Variants in MGAT4D observed in about 807,000 individuals in gnomAD.
The protein encoded by MGAT4D is alpha-1,3-mannosyl-glycoprotein 4-beta-N-acetylglucosaminyltransferase-like protein MGAT4D.
Under a neutral mutation model 15.9 loss-of-function variants are expected in MGAT4D, and 34 were observed. That is an observed-to-expected ratio of 2.14 (90% confidence interval 1.62 to 2.84). The LOEUF is 2.84. Among genes scored for constraint, MGAT4D ranks in the 30% most tolerant of loss-of-function variants. The pLI, the probability that MGAT4D is intolerant of heterozygous loss-of-function variation, is 0.00. For synonymous variants in MGAT4D, 112 were observed against 48.2 expected (o/e 2.33, Z -5.49); for missense variants, 327 against 140.2 (o/e 2.33, Z -6.73).
intron 10 of MGAT4D, among the ~76,000 whole-genome samples, chr4:140,444,897 T>C (rs1353583731): frequency 6.6e-6 from 1 of 151,772 alleles, no homozygotes; most frequent in Admixed American, 6.6e-5. Context: ...CTTTTTTTTT[T>C]TGATATGGAG....
At chr4:140,443,664 A>G (rs930899212) in intron 10 of MGAT4D, among the ~76,000 whole-genome samples, 6 of 152,100 alleles carry the variant, frequency 3.9e-5, no homozygotes, top group African/African-American at 1.4e-4. Flanking sequence ...ACGTTGTTAA[A>G]ATGATTGAAA....
chr4:140,477,149 T>C (rs1219700245), intron 3 of MGAT4D, among the ~76,000 whole-genome samples: 1 of 152,170 alleles, frequency 6.6e-6, no homozygotes, highest in Non-Finnish European at 1.5e-5. Flanking sequence ...TTTTCCTCTA[T>C]CTGGATGACC....
chr4:140,479,506 G>A lies in MGAT4D; in HGVS notation c.375C>T (p.Gly125=). 2.0e-6 allele frequency: 1 copy of A among 502,164 alleles called. No homozygotes were observed. The highest frequency in any genetic ancestry group is 3.1e-5 in the South Asian group (1 of 31,852). 31.1% of individuals were successfully genotyped at this position (502,164 alleles called of 1,614,324 possible). Residue 125 remains glycine, a synonymous_variant, in exon 3 of 11, where the codon GGC becomes GGT. Transcript: ENST00000511113. ...TTTTCTTACCACCAGTTTTCCCTTTGCCAATGATTACATCAGGATAAATTC... is the reference window on the plus strand; with the variant it reads ...TTTTCTTACCACCAGTTTTCCCTTTACCAATGATTACATCAGGATAAATTC... The part of the protein sequence containing the change: ...EGRIYPDVII[G]KGKTGVSFAL...
At chr4:140,498,024 C>T (rs1029882831) in intron 1 of MGAT4D, 105 bp downstream of exon 1, 3 of 557,354 alleles carry the variant, frequency 5.4e-6, no homozygotes, top group Non-Finnish European at 9.5e-6. Context: ...CCGCCGCCAG[C>T]TTCCCGCATC....
chr4:140,463,503 C>A lies in MGAT4D; in HGVS notation c.686+1393G>T, dbSNP rs890300625. Among the ~76,000 whole-genome samples, 3 of 151,916 alleles carry A rather than the reference C, an allele frequency of 2.0e-5. No homozygotes were observed. In the East Asian group the frequency reaches 5.8e-4, roughly 29 times the overall value. On this transcript the variant is annotated intron_variant, in intron 6 of 10. Coordinates refer to ENST00000511113, the MANE Select transcript of MGAT4D (RefSeq NM_001277353.2). ...TCTGGGGCAAGAGCTCATCCCTGCT[C>A]GTAGGGTTGCCTGGATATAAACTCA...
intron 1 of MGAT4D, among the ~76,000 whole-genome samples, chr4:140,497,922 G>C (rs1010040782): frequency 2.0e-5 from 3 of 152,174 alleles, no homozygotes; most frequent in Admixed American, 1.3e-4. Flanking sequence ...GGAGGAGGTC[G>C]GGGCGCGGGT....
At chr4:140,449,056 C>T (rs904653508) in intron 10 of MGAT4D, among the ~76,000 whole-genome samples, 1 of 152,156 alleles carries the variant, frequency 6.6e-6, no homozygotes, top group South Asian at 2.1e-4. Context: ...TGGCCCTATG[C>T]CCAGTGCACT....
chr4:140,477,058 C>T (rs73856645), intron 3 of MGAT4D, among the ~76,000 whole-genome samples: 185 of 152,266 alleles, frequency 1.2e-3, no homozygotes, highest in African/African-American at 4.2e-3. Flanking sequence ...GGTCTTGCTA[C>T]TAATACCCTC....
intron 2 of MGAT4D, among the ~76,000 whole-genome samples, chr4:140,480,268 C>CACTT (rs1396855259): frequency 1.3e-5 from 2 of 152,062 alleles, no homozygotes; most frequent in Non-Finnish European, 2.9e-5. Context: ...GGTGTTTGAA[C>CACTT]ACTTGGACAT....
chr4:140,462,210 T>A (rs1731233816), intron 6 of MGAT4D, among the ~76,000 whole-genome samples: 1 of 152,222 alleles, frequency 6.6e-6, no homozygotes, highest in Admixed American at 6.5e-5. Context: ...GAACAGTGTC[T>A]ACCATTGCTA....
chr4:140,463,031 G>A (rs1036236537), intron 6 of MGAT4D, among the ~76,000 whole-genome samples: 1 of 152,164 alleles, frequency 6.6e-6, no homozygotes, highest in Non-Finnish European at 1.5e-5. Flanking sequence ...GGGGGGAAAA[G>A]TTGGCCTCCA....
intron 1 of MGAT4D, among the ~76,000 whole-genome samples, chr4:140,487,139 T>C (rs980287299): frequency 1.3e-5 from 2 of 152,270 alleles, no homozygotes; most frequent in Non-Finnish European, 2.9e-5. Flanking sequence ...CATTTTTCCC[T>C]GGTAATTCAT....
rs114261208 is a variant in MGAT4D at position 140,497,706 on chromosome 4, C to T, written c.94+423G>A. Among the ~76,000 whole-genome samples the T allele has an allele frequency of 7.5e-3, 1,136 of 152,278 alleles. 15 individuals are homozygous for T. The highest frequency in any genetic ancestry group is 0.026 in the African/African-American group (1,080 of 41,554). On this transcript the variant is annotated intron_variant, in intron 1 of 10. Coordinates refer to ENST00000511113, the MANE Select transcript of MGAT4D (RefSeq NM_001277353.2). ...TGAAGCGGGGCCTGGTGATGTAACC[C>T]AGACCACGAAGGAGGAAAGATGCGG...
intron 1 of MGAT4D, among the ~76,000 whole-genome samples, chr4:140,496,148 T>A (rs929129124): frequency 1.3e-5 from 2 of 152,210 alleles, no homozygotes; most frequent in Admixed American, 6.5e-5. Flanking sequence ...ATAGATTAAA[T>A]TTTTAAGACA....
At position 140,456,696 on chromosome 4, in the gene MGAT4D, A is replaced by C; in HGVS notation, c.901T>G (p.Leu301Val). Reference protein sequence around the residue: ...FIGKLFRSEDLTHFVRFFLMF... With the variant: ...FIGKLFRSEDVTHFVRFFLMF... ...AAAAAAAACCGTACAAAGTGAGTTA[A>C]GTCCTCAGATCTAAACAGCTTTCCT... The change falls in exon 9 of 11, where the codon TTA (leucine) becomes GTA (valine). Residue 301 changes from leucine to valine, a missense_variant. Physicochemically the swap from Leu to Val is conservative, Grantham distance 32 (BLOSUM62 1). Transcript: ENST00000511113. The C allele has an allele frequency of 1.4e-6, 1 of 694,142 alleles. No homozygotes were observed. Among genetic ancestry groups the C allele is most frequent in the Non-Finnish European group, 2.6e-6 (1 of 380,890 alleles). The allele number at this position is 694,142 out of a possible 1,614,324, so 43.0% of individuals were successfully genotyped here.
At position 140,486,913 on chromosome 4, in the gene MGAT4D, G is replaced by T. The variant is rs181074484; in HGVS notation, c.95-4428C>A. Reference sequence around the variant, plus strand: ...AAGCTCATGATATTAGGGTTTCCCAGGTAATGTTCTCTCTGCAAAATGGAT... The same window carrying T: ...AAGCTCATGATATTAGGGTTTCCCATGTAATGTTCTCTCTGCAAAATGGAT... On this transcript the variant is annotated intron_variant, in intron 1 of 10. Coordinates refer to ENST00000511113, the MANE Select transcript of MGAT4D (RefSeq NM_001277353.2). Among the ~76,000 whole-genome samples the T allele has an allele frequency of 1.7e-3, 253 of 152,268 alleles. 1 individual carries two copies. The highest frequency in any genetic ancestry group is 2.7e-3 in the Non-Finnish European group (182 of 68,016).
intron 3 of MGAT4D, among the ~76,000 whole-genome samples, chr4:140,476,517 C>T (rs1732343626): frequency 1.3e-5 from 2 of 152,256 alleles, no homozygotes; most frequent in Middle Eastern, 6.8e-3. Flanking sequence ...TAGATTGAGG[C>T]AGGAATCAAG....
At chr4:140,465,753 C>T (rs900283076) in intron 5 of MGAT4D, among the ~76,000 whole-genome samples, 4 of 152,072 alleles carry the variant, frequency 2.6e-5, no homozygotes, top group Non-Finnish European at 5.9e-5. Flanking sequence ...AATTTAAAAG[C>T]TTACAGTTTT....
intron 7 of MGAT4D, among the ~76,000 whole-genome samples, chr4:140,459,852 T>C (rs1402024012): frequency 1.4e-5 from 2 of 144,162 alleles, no homozygotes; most frequent in Admixed American, 1.5e-4. Flanking sequence ...TTACCCAGGC[T>C]GGAGTGCAGT....
Sources: gnomAD v4.1 joint callset for allele counts (sites outside exome capture counted in the v4.1 genomes callset) on GRCh38, gnomAD v4.1.1 for gene constraint, MANE v1.5 for transcripts, NCBI Gene and HGNC (gene_info 2026-07-23, HGNC 2026-07-21) for gene names.